Variants in DMTF1 observed in about 807,000 individuals in gnomAD.
The protein encoded by DMTF1 is cyclin D binding myb like transcription factor 1.
In DMTF1, 39 loss-of-function variants were observed where a neutral mutation model predicts 91.1. The observed-to-expected ratio is 0.43, with a 90% CI of 0.33 to 0.56. The LOEUF is 0.56. Ranked by LOEUF, DMTF1 falls within the 20% of genes least tolerant of loss-of-function variation. DMTF1 has a pLI of 0.05. For missense variants in DMTF1, 750 were observed against 914.5 expected (o/e 0.82, Z 2.32); for synonymous variants, 338 against 309.5 (o/e 1.09, Z -0.97).
At chr7:87,168,538 C>T (rs1346788874) in intron 4 of DMTF1, among the ~76,000 whole-genome samples, 1 of 152,138 alleles carries the variant, frequency 6.6e-6, no homozygotes, top group Non-Finnish European at 1.5e-5. Context: ...TACTTGTATC[C>T]TTTCTTTCTT....
chr7:87,159,896 G>A (rs1224116861), intron 1 of DMTF1, among the ~76,000 whole-genome samples: 1 of 152,120 alleles, frequency 6.6e-6, no homozygotes, highest in African/African-American at 2.4e-5. Context: ...AATCTTTCAG[G>A]CTTACCATAT....
chr7:87,184,275 G>T, intron 10 of DMTF1, 122 bp from the exon 11 acceptor site: 1 of 856,044 alleles, frequency 1.2e-6, no homozygotes, highest in South Asian at 1.7e-5. Flanking sequence ...CCACCAGAGG[G>T]TCATTCAGAA....
At chr7:87,176,189 T>G (rs1023868647) in intron 7 of DMTF1, among the ~76,000 whole-genome samples, 3 of 152,214 alleles carry the variant, frequency 2.0e-5, no homozygotes, top group Non-Finnish European at 2.9e-5. Context: ...TTTCCCAACC[T>G]AAGCTCTTTG....
intron 14 of DMTF1, chr7:87,192,533 C>G (rs1800094085): frequency 1.3e-5 from 2 of 152,198 alleles, no homozygotes; most frequent in African/African-American, 2.4e-5. Context: ...GACTGAAAAA[C>G]AGGCTACATG....
intron 1 of DMTF1, among the ~76,000 whole-genome samples, chr7:87,157,188 CCTGTGTTTCTCAGT>C (rs750316584): frequency 5.9e-5 from 9 of 152,142 alleles, no homozygotes; most frequent in Non-Finnish European, 1.2e-4. Context: ...TGTTTCTCAG[CCTGTGTTTCTCAGT>C]CTTTAACTCA....
At chr7:87,192,904 A>G in intron 14 of DMTF1, 1 of 255,496 alleles carries the variant, frequency 3.9e-6, no homozygotes. Flanking sequence ...AAAGAAAAAG[A>G]GGGGTGATTG....
Position 87,173,637 on chromosome 7 carries a change from C to T in DMTF1, c.430C>T (p.Leu144=), listed in dbSNP as rs1795597924. The part of the protein sequence containing the change: ...WFTTKEDKDS[L]TNKGHKWKQG... ...TACAACTAAAGAAGATAAGGATTCTCTGACTAATAAAGGTAAGATAACACT... is the reference window on the plus strand; with the variant it reads ...TACAACTAAAGAAGATAAGGATTCTTTGACTAATAAAGGTAAGATAACACT... The change falls in exon 6 of 18, where the codon CTG becomes TTG. Residue 144 remains leucine, a synonymous_variant. Transcript: ENST00000331242. The T allele has an allele frequency of 2.5e-6, 4 of 1,605,314 alleles. No homozygotes were observed. In the East Asian group the frequency reaches 6.7e-5, roughly 27 times the overall value.
chr7:87,165,484 G>A lies in DMTF1; in HGVS notation c.109+434G>A, dbSNP rs142135656. 2.8e-4 allele frequency among the ~76,000 whole-genome samples: 42 copies of A among 152,230 alleles called. 1 individual carries two copies. The highest frequency in any genetic ancestry group is 1.0e-3 in the African/African-American group (42 of 41,552). Reference sequence around the variant, plus strand: ...GCTGATAATTTTGTTGTTACTCCCCGACTTGCTCATTATTTATGTCATTTA... The same window carrying A: ...GCTGATAATTTTGTTGTTACTCCCCAACTTGCTCATTATTTATGTCATTTA... On this transcript the variant is annotated intron_variant, in intron 3 of 17. Coordinates refer to ENST00000331242, the MANE Select transcript of DMTF1 (RefSeq NM_001142327.2).
intron 1 of DMTF1, among the ~76,000 whole-genome samples, chr7:87,160,611 A>G (rs893977531): frequency 5.9e-5 from 9 of 152,012 alleles, no homozygotes; most frequent in African/African-American, 2.2e-4. Context: ...CTAATTCTGT[A>G]CATACTTCAG....
At chr7:87,194,507 T>TA in intron 16 of DMTF1, 177 bp from the exon 17 acceptor site, 1 of 503,572 alleles carries the variant, frequency 2.0e-6, no homozygotes, top group East Asian at 3.0e-5. Flanking sequence ...TTCCTTTTGT[T>TA]AAAAGTATGT....
chr7:87,160,723 C>G (rs1792106406), intron 1 of DMTF1, among the ~76,000 whole-genome samples: 2 of 152,196 alleles, frequency 1.3e-5, no homozygotes, highest in African/African-American at 2.4e-5. Context: ...TATCTTTCCC[C>G]CCAGCAGTTT....
rs747843882 is a variant in DMTF1 at position 87,184,905 on chromosome 7, C to A, written c.1049+280C>A. 3.2e-5 allele frequency: 17 copies of A among 534,464 alleles called. 1 individual carries two copies. Among genetic ancestry groups the A allele is most frequent in the South Asian group, 2.6e-4 (17 of 65,226 alleles). 33.1% of individuals were successfully genotyped at this position (534,464 alleles called of 1,614,324 possible). On this transcript the variant is annotated intron_variant, in intron 11 of 17. Transcript: ENST00000331242. ...ATCCACAGAACAGGTATGGCACAGG[C>A]AGCGGCAGTGTAGCTTTTCCACTGT...
intron 13 of DMTF1, among the ~76,000 whole-genome samples, chr7:87,189,817 C>T (rs560583195): frequency 6.6e-6 from 1 of 152,108 alleles, no homozygotes; most frequent in South Asian, 2.1e-4. Flanking sequence ...ACCATATTGG[C>T]CTTAAGCTAC....
At chr7:87,157,610 A>G (rs777684258) in intron 1 of DMTF1, among the ~76,000 whole-genome samples, 8 of 152,148 alleles carry the variant, frequency 5.3e-5, no homozygotes, top group Non-Finnish European at 1.2e-4. Context: ...CCCATTGGAT[A>G]AGAACTTTAC....
At chr7:87,191,091 T>A in intron 14 of DMTF1, 64 bp downstream of exon 14, 3 of 1,048,924 alleles carry the variant, frequency 2.9e-6, no homozygotes, top group Non-Finnish European at 4.3e-6. Context: ...GCTATCACTT[T>A]TGTGTTTCAT....
intron 13 of DMTF1, among the ~76,000 whole-genome samples, chr7:87,189,499 C>A (rs1799251355): frequency 6.6e-6 from 1 of 152,096 alleles, no homozygotes; most frequent in African/African-American, 2.4e-5. Context: ...ATTGAGTTGA[C>A]AGTACCCATT....
intron 12 of DMTF1, 106 bp from the exon 13 acceptor site, chr7:87,187,982 GTTAT>G: frequency 1.4e-6 from 1 of 739,724 alleles, no homozygotes; most frequent in Non-Finnish European, 2.3e-6. Context: ...CCAGTATGCA[GTTAT>G]TTATTCCAAA....
chr7:87,193,570 A>G (rs1408576015), intron 15 of DMTF1, 155 bp from the exon 16 acceptor site: 4 of 851,582 alleles, frequency 4.7e-6, no homozygotes, highest in Non-Finnish European at 7.2e-6. Flanking sequence ...CATTAGAAGA[A>G]CAAAGGCCCT....
chr7:87,180,120 T>C (rs937198922), intron 8 of DMTF1, among the ~76,000 whole-genome samples: 1 of 152,208 alleles, frequency 6.6e-6, no homozygotes, highest in African/African-American at 2.4e-5. Context: ...CTGAAAACAA[T>C]GTATGGATTT....
Sources: allele counts gnomAD v4.1 joint callset (sites outside exome capture counted in the v4.1 genomes callset), GRCh38; gene constraint gnomAD v4.1.1; transcripts MANE v1.5; gene names NCBI Gene and HGNC (gene_info 2026-07-23, HGNC 2026-07-21).